Variants in KCNS3 observed in about 807,000 individuals in gnomAD.
KCNS3 encodes potassium voltage-gated channel modifier subfamily S member 3.
In KCNS3, 13 loss-of-function variants were observed where a neutral mutation model predicts 31.0. The ratio of observed to expected loss-of-function variants is 0.42; its 90% CI spans 0.27 to 0.67. KCNS3 has a LOEUF of 0.67. Among genes scored for constraint, KCNS3 ranks in the 30% least tolerant of loss-of-function variants. The pLI, the probability that KCNS3 is intolerant of heterozygous loss-of-function variation, is 0.25. For missense variants in KCNS3, 545 were observed against 622.4 expected (o/e 0.88, Z 1.32); for synonymous variants, 238 against 241.5 (o/e 0.99, Z 0.13).
chr2:17,891,468 T>TTTTG (rs915988873), intron 1 of KCNS3, among the ~76,000 whole-genome samples: 1 of 152,126 alleles, frequency 6.6e-6, no homozygotes, highest in African/African-American at 2.4e-5. Context: ...TGTGTAGTTT[T>TTTTG]TTTGTTTGTT....
chr2:17,926,598 G>T lies in KCNS3; in HGVS notation c.-59-4352G>T, dbSNP rs367917374. 1.3e-4 allele frequency among the ~76,000 whole-genome samples: 20 copies of T among 152,354 alleles called. 1 individual carries two copies. In the East Asian group the frequency reaches 1.9e-3, roughly 15 times the overall value. On this transcript the variant is annotated intron_variant, in intron 2 of 2. Coordinates refer to ENST00000304101, the MANE Select transcript of KCNS3 (RefSeq NM_002252.5). ...CCAAGACCACATGGAAGTCATCAAG[G>T]ATTGGGGCTTGCGCCATCTGAAGCC...
In KCNS3 at chr2:17,931,822, GT is replaced by G; in HGVS notation, c.815del (p.Val272GlufsTer24). The G allele has an allele frequency of 6.2e-7, 1 of 1,614,198 alleles. No homozygotes were observed. The highest frequency in any genetic ancestry group is 1.7e-5 in the Admixed American group (1 of 60,028). On this transcript the variant is annotated frameshift_variant, in exon 3 of 3. Coordinates refer to ENST00000304101, the MANE Select transcript of KCNS3 (RefSeq NM_002252.5). LOFTEE classifies it high-confidence loss of function. The surrounding 1 kb of genome is among the most constrained non-coding windows in gnomAD (Gnocchi z 5.4). Reference sequence around the variant, plus strand: ...TATTCCCTTCTATGCCACGTTGGCTGTAGACACCAAGGAGGAAGAGAGTGAG... The same window carrying G: ...TATTCCCTTCTATGCCACGTTGGCTGAGACACCAAGGAGGAAGAGAGTGAG... ...SIIPFYATLA[V>X]DTKEEESEDI...
At chr2:17,893,960 T>TTTTTTTTTTTTTTTTTTTTTTTTC (rs1661923886) in intron 1 of KCNS3, among the ~76,000 whole-genome samples, 1 of 132,354 alleles carries the variant, frequency 7.6e-6, no homozygotes, top group African/African-American at 2.8e-5. Context: ...TTTTTTTTTT[T>TTTTTTTTTTTTTTTTTTTTTTTTC]TTTTTTAATA....
At chr2:17,892,208 T>G (rs1661875605) in intron 1 of KCNS3, among the ~76,000 whole-genome samples, 1 of 152,120 alleles carries the variant, frequency 6.6e-6, no homozygotes, top group African/African-American at 2.4e-5. Context: ...TTCTGCTTGT[T>G]CAATTCTATT....
chr2:17,930,319 A>G (rs1441645448), intron 2 of KCNS3, among the ~76,000 whole-genome samples: 2 of 152,202 alleles, frequency 1.3e-5, no homozygotes, highest in Admixed American at 1.3e-4. Flanking sequence ...TTTAAGATAT[A>G]AGGTACTTAA....
intron 1 of KCNS3, among the ~76,000 whole-genome samples, chr2:17,893,700 G>GGT (rs1661913526): frequency 6.6e-6 from 1 of 152,138 alleles, no homozygotes; most frequent in Non-Finnish European, 1.5e-5. Context: ...CTCCACTGGG[G>GGT]GTGTGTGTTT....
intron 1 of KCNS3, among the ~76,000 whole-genome samples, chr2:17,903,449 T>C (rs1572488396): frequency 6.6e-6 from 1 of 152,082 alleles, no homozygotes; most frequent in Non-Finnish European, 1.5e-5. Flanking sequence ...GTTATTGACA[T>C]TTTATTTTAT....
chr2:17,910,200 A>C (rs568089912), intron 1 of KCNS3, among the ~76,000 whole-genome samples: 1 of 152,380 alleles, frequency 6.6e-6, no homozygotes, highest in African/African-American at 2.4e-5. Context: ...CAGTAGGTCT[A>C]TAACTACTGT....
At chr2:17,893,158 G>A (rs1310283127) in intron 1 of KCNS3, among the ~76,000 whole-genome samples, 1 of 152,100 alleles carries the variant, frequency 6.6e-6, no homozygotes, top group Non-Finnish European at 1.5e-5. Context: ...GTGTACCTAT[G>A]GCTGCCTCTG....
chr2:17,926,263 C>A (rs903268818), intron 2 of KCNS3, among the ~76,000 whole-genome samples: 4 of 152,238 alleles, frequency 2.6e-5, no homozygotes, highest in Non-Finnish European at 4.4e-5. Flanking sequence ...CTCCCAGCTG[C>A]TTTCATGGAC....
intron 1 of KCNS3, among the ~76,000 whole-genome samples, chr2:17,884,714 A>C (rs1661583172): frequency 6.6e-6 from 1 of 152,180 alleles, no homozygotes; most frequent in Admixed American, 6.5e-5. Context: ...ATGTGAGTCC[A>C]GCTCGTTGGT....
intron 1 of KCNS3, among the ~76,000 whole-genome samples, chr2:17,893,788 A>T (rs1208044722): frequency 6.6e-6 from 1 of 151,964 alleles, no homozygotes; most frequent in East Asian, 1.9e-4. Context: ...GTCCTGCAGG[A>T]GCAGTCCGCT....
chr2:17,892,882 T>C (rs1278778360), intron 1 of KCNS3, among the ~76,000 whole-genome samples: 1 of 152,052 alleles, frequency 6.6e-6, no homozygotes, highest in Admixed American at 6.5e-5. Flanking sequence ...GCTTTGGTGG[T>C]TTAATGCTCT....
At chr2:17,920,708 A>T (rs1662687301) in intron 2 of KCNS3, among the ~76,000 whole-genome samples, 1 of 152,214 alleles carries the variant, frequency 6.6e-6, no homozygotes, top group Non-Finnish European at 1.5e-5. Flanking sequence ...TTTAGCTTTA[A>T]GAAGAGAATG....
At chr2:17,899,605 G>A (rs1034445878) in intron 1 of KCNS3, among the ~76,000 whole-genome samples, 1 of 152,154 alleles carries the variant, frequency 6.6e-6, no homozygotes, top group African/African-American at 2.4e-5. Flanking sequence ...TGAGGCCTCA[G>A]TATCCTCGTT....
chr2:17,878,543 A>C (rs1160248060), upstream of KCNS3: 1 of 150,296 alleles, frequency 6.7e-6, no homozygotes, highest in African/African-American at 2.4e-5. Flanking sequence ...GCCCGAAGCG[A>C]GGGGCTGGCG....
In KCNS3 at chr2:17,917,829, CG is replaced by C. The variant is rs1662625462; in HGVS notation, c.-99del. The C allele has an allele frequency of 6.5e-6, 1 of 152,688 alleles. No homozygotes were observed. The highest frequency in any genetic ancestry group is 2.1e-4 in the South Asian group (1 of 4,834). 9.5% of individuals were successfully genotyped at this position (152,688 alleles called of 1,614,324 possible). On this transcript the variant is annotated 5_prime_UTR_variant, in exon 2 of 3. It introduces an in-frame stop codon into an upstream open reading frame of the 5' UTR. Coordinates refer to ENST00000304101, the MANE Select transcript of KCNS3 (RefSeq NM_002252.5). ...TCTTGGATGATGATGGACGTCCCACCGGGCAGGATGAAGGCAGAGCGTGTGG... is the reference window on the plus strand; with the variant it reads ...TCTTGGATGATGATGGACGTCCCACCGGCAGGATGAAGGCAGAGCGTGTGG...
At position 17,884,256 on chromosome 2, in the gene KCNS3, T is replaced by TAAA. The variant is rs34385647; in HGVS notation, c.-252+5461_-252+5463dup. ...TGTACCCTAGAACTTAAAGTATAATTAAAAAAAAAAAAATATATATATATA... is the reference window on the plus strand; with the variant it reads ...TGTACCCTAGAACTTAAAGTATAATTAAAAAAAAAAAAAAAATATATATATATA... On this transcript the variant is annotated intron_variant, in intron 1 of 2. Transcript: ENST00000304101. Among the ~76,000 whole-genome samples the TAAA allele has an allele frequency of 2.0e-3, 170 of 86,758 alleles. 1 individual carries two copies. The highest frequency in any genetic ancestry group is 6.9e-3 in the African/African-American group (153 of 22,192). 56.9% of individuals were successfully genotyped at this position (86,758 alleles called of 152,430 possible). A position where few individuals can be genotyped will look rare whatever the true frequency, so the allele number is the denominator to read the frequency against.
At chr2:17,893,956 T>TTG (rs1661923735) in intron 1 of KCNS3, among the ~76,000 whole-genome samples, 1 of 149,100 alleles carries the variant, frequency 6.7e-6, no homozygotes, top group South Asian at 2.1e-4. Context: ...TTTTTTTTTT[T>TTG]TTTTTTTTTT....
Sources: gnomAD v4.1 joint callset for allele counts (sites outside exome capture counted in the v4.1 genomes callset) on GRCh38, gnomAD v4.1.1 for gene constraint, Gnocchi (gnomAD v3.1) non-coding constraint, MANE v1.5 for transcripts, NCBI Gene and HGNC (gene_info 2026-07-23, HGNC 2026-07-21) for gene names.